Variants in CACNA1E observed in about 807,000 individuals in gnomAD.
CACNA1E encodes calcium voltage-gated channel subunit alpha1 E.
A neutral mutation model predicts 259.2 loss-of-function variants in CACNA1E; 40 were observed. That is an observed-to-expected ratio of 0.15 (90% CI 0.12 to 0.20). CACNA1E has a LOEUF of 0.20. Ranked by LOEUF, CACNA1E falls within the 10% of genes least tolerant of loss-of-function variation. CACNA1E has a pLI of 1.00. For synonymous variants in CACNA1E, 1,104 were observed against 1,138.5 expected, an observed-to-expected ratio of 0.97 and a Z score of 0.61; for missense variants, 1,874 against 3,040.1, an observed-to-expected ratio of 0.62 and a Z score of 9.02.
At position 181,771,418 on chromosome 1, in the gene CACNA1E, C is replaced by CTCCT. The variant is rs1351364379; in HGVS notation, c.4973+35_4973+38dup. The CTCCT allele has an allele frequency of 2.6e-6, 3 of 1,144,162 alleles. No individual in the cohort carries two copies. The African/African-American group carries it at 4.6e-5, about 17-fold the overall frequency. 70.9% of individuals were successfully genotyped at this position (1,144,162 alleles called of 1,614,324 possible). The stretch of plus-strand genomic sequence containing the variant: ...ATGCGTAACTGTCATAGCTGGGGTT[C>CTCCT]TCCTGATGGAGGGAGAGAGAGTTTG... On this transcript the variant is annotated intron_variant, in intron 36 of 47. Coordinates refer to ENST00000367573, the MANE Select transcript of CACNA1E (RefSeq NM_001205293.3).
At chr1:181,325,099 G>T (rs1359268707) in intron 1 of CACNA1E, among the ~76,000 whole-genome samples, 1 of 152,146 alleles carries the variant, frequency 6.6e-6, no homozygotes, top group African/African-American at 2.4e-5. Flanking sequence ...TTGCAGACCT[G>T]CTCCCCTTCT....
intron 6 of CACNA1E, among the ~76,000 whole-genome samples, chr1:181,623,250 A>G (rs372381146): frequency 2.6e-5 from 4 of 152,222 alleles, no homozygotes; most frequent in Admixed American, 6.5e-5. Flanking sequence ...TGACATCTGT[A>G]TTACTTATTT....
chr1:181,499,111 A>G (rs1665026873), intron 1 of CACNA1E, among the ~76,000 whole-genome samples: 3 of 152,332 alleles, frequency 2.0e-5, no homozygotes, highest in South Asian at 2.1e-4. Context: ...ATAAAACTCA[A>G]TAGGCAATGG....
At chr1:181,791,791 CTTCTCTCCCCTTCAT>C (rs1661335587) in intron 44 of CACNA1E, among the ~76,000 whole-genome samples, 1 of 152,204 alleles carries the variant, frequency 6.6e-6, no homozygotes, top group African/African-American at 2.4e-5. Context: ...ATCTGTGGCT[CTTCTCTCCCCTTCAT>C]TTCTCTCCTG....
intron 6 of CACNA1E, among the ~76,000 whole-genome samples, chr1:181,622,985 T>A (rs1387733999): frequency 3.3e-5 from 5 of 152,232 alleles, no homozygotes; most frequent in Non-Finnish European, 5.9e-5. Flanking sequence ...ATTTTCTAAT[T>A]TCTTTTATTA....
rs778003171 is a variant in CACNA1E, at chr1:181,719,207, TTAAAA to T, written c.1639-538_1639-534del. ...TAGTGGACATTCAATAAATATATAATTAAAATAAAAGAAATAGAAATGTTCATCTG... is the reference window on the plus strand; with the variant it reads ...TAGTGGACATTCAATAAATATATAATTAAAAGAAATAGAAATGTTCATCTG... On this transcript the variant is annotated intron_variant, in intron 12 of 47. Coordinates refer to ENST00000367573, the MANE Select transcript of CACNA1E (RefSeq NM_001205293.3). Among the ~76,000 whole-genome samples the T allele has an allele frequency of 4.6e-5, 7 of 152,278 alleles. No homozygotes were observed. The East Asian group carries it at 9.6e-4, about 21-fold the overall frequency.
intron 2 of CACNA1E, among the ~76,000 whole-genome samples, chr1:181,447,808 C>T (rs576704140): frequency 1.1e-4 from 16 of 152,270 alleles, no homozygotes; most frequent in South Asian, 4.2e-4. Context: ...GCTGTAGGGT[C>T]GCAGTTTCCT....
chr1:181,638,613 G>C (rs796597759), intron 6 of CACNA1E, among the ~76,000 whole-genome samples: 5 of 152,226 alleles, frequency 3.3e-5, no homozygotes, highest in African/African-American at 1.2e-4. Context: ...TTGTGATATG[G>C]TTTGGCTGTG....
chr1:181,325,375 A>G (rs959012921), intron 1 of CACNA1E, among the ~76,000 whole-genome samples: 2 of 152,194 alleles, frequency 1.3e-5, no homozygotes, highest in Non-Finnish European at 1.5e-5. Context: ...CTGGGGGTAC[A>G]TGGAGTGTTT....
At chr1:181,482,132 G>C (rs1663310823), upstream of CACNA1E, among the ~76,000 whole-genome samples, 1 of 152,232 alleles carries the variant, frequency 6.6e-6, no homozygotes, top group Non-Finnish European at 1.5e-5. Flanking sequence ...TGCTAAGTGG[G>C]GAGATGGGGA....
intron 1 of CACNA1E, among the ~76,000 whole-genome samples, chr1:181,391,945 C>CTCTG (rs1477039835): frequency 1.2e-4 from 14 of 118,264 alleles, no homozygotes; most frequent in Non-Finnish European, 1.6e-4. Context: ...CTCTCTCTCT[C>CTCTG]TGTGTGTGTG....
chr1:181,390,555 T>C (rs932197142), intron 1 of CACNA1E, among the ~76,000 whole-genome samples: 1 of 152,022 alleles, frequency 6.6e-6, no homozygotes, highest in African/African-American at 2.4e-5. Context: ...AGAGTGTAAA[T>C]CCATGAGTCA....
At chr1:181,592,218 A>G (rs1652721778) in intron 6 of CACNA1E, among the ~76,000 whole-genome samples, 1 of 152,160 alleles carries the variant, frequency 6.6e-6, no homozygotes. Flanking sequence ...CTAGGTGTTT[A>G]CATCCCTTTT....
chr1:181,436,218 A>G (rs1241298777), intron 2 of CACNA1E, among the ~76,000 whole-genome samples: 1 of 152,214 alleles, frequency 6.6e-6, no homozygotes, highest in Non-Finnish European at 1.5e-5. Flanking sequence ...CAAACAATGA[A>G]TGTTGGTGAA....
At chr1:181,437,851 T>C (rs774147801) in intron 2 of CACNA1E, among the ~76,000 whole-genome samples, 3 of 152,174 alleles carry the variant, frequency 2.0e-5, no homozygotes, top group Non-Finnish European at 4.4e-5. Flanking sequence ...TAAATCCACA[T>C]GTAAATGACT....
intron 3 of CACNA1E, among the ~76,000 whole-genome samples, chr1:181,517,873 GTC>G (rs1305120775): frequency 6.6e-6 from 1 of 152,154 alleles, no homozygotes; most frequent in African/African-American, 2.4e-5. Flanking sequence ...CCTCAGCACT[GTC>G]TCTCTGAGGC....
chr1:181,402,819 C>T (rs1419481593), intron 1 of CACNA1E, among the ~76,000 whole-genome samples: 1 of 152,204 alleles, frequency 6.6e-6, no homozygotes, highest in Non-Finnish European at 1.5e-5. Context: ...TTTCAAAGTA[C>T]AACCTATACT....
chr1:181,578,719 T>G (rs1651224105), intron 4 of CACNA1E, among the ~76,000 whole-genome samples: 1 of 152,270 alleles, frequency 6.6e-6, no homozygotes. Context: ...AAATCTTTAT[T>G]CAAATCTCTG....
chr1:181,680,491 C>T (rs1265241788), intron 7 of CACNA1E, among the ~76,000 whole-genome samples: 3 of 152,110 alleles, frequency 2.0e-5, no homozygotes, highest in Non-Finnish European at 4.4e-5. Context: ...CCCACAGGGC[C>T]GGGAAAGTCA....
Sources: allele counts gnomAD v4.1 joint callset (sites outside exome capture counted in the v4.1 genomes callset), GRCh38; gene constraint gnomAD v4.1.1; transcripts MANE v1.5; gene names NCBI Gene and HGNC (gene_info 2026-07-23, HGNC 2026-07-21).